PAM: variants seen among roughly 807,000 people sequenced by gnomAD.
The protein encoded by PAM is peptidylglycine alpha-amidating monooxygenase, also known as peptidyl-glycine alpha-amidating monooxygenase.
PAM carries 72 observed loss-of-function variants against 122.1 expected under a neutral mutation model. That is an observed-to-expected ratio of 0.59 (90% CI 0.49 to 0.72). The LOEUF (loss-of-function observed/expected upper bound fraction) is 0.72. Among genes scored for constraint, PAM ranks in the 30% least tolerant of loss-of-function variants. The pLI, the probability that PAM is intolerant of heterozygous loss-of-function variation, is 0.00. For synonymous variants in PAM, 389 were observed against 404.4 expected (o/e 0.96, Z 0.46); for missense variants, 1,106 against 1,183.7 (o/e 0.93, Z 0.96).
chr5:102,877,667 A>G (rs1789658787), intron 3 of PAM, among the ~76,000 whole-genome samples: 1 of 152,176 alleles, frequency 6.6e-6, no homozygotes, highest in Non-Finnish European at 1.5e-5. Context: ...TAAAGGTACA[A>G]TTTGCTAAGA....
chr5:102,840,921 T>C (rs1280038458), intron 1 of PAM, among the ~76,000 whole-genome samples: 1 of 152,120 alleles, frequency 6.6e-6, no homozygotes, highest in South Asian at 2.1e-4. Flanking sequence ...GTGATGAAGG[T>C]GAAAGGGGAA....
At position 102,979,063 on chromosome 5, in the gene PAM, C is replaced by T. The variant is rs554073507; in HGVS notation, c.1483+4627C>T. On this transcript the variant is annotated intron_variant, in intron 15 of 25. Transcript: ENST00000438793. ...ACACACACACACACACACACACACG[C>T]ACACACACATACACACAAACACCCT... 3.5e-3 allele frequency among the ~76,000 whole-genome samples: 497 copies of T among 143,522 alleles called. 6 individuals are homozygous for T. The highest frequency in any genetic ancestry group is 4.0e-3 in the Non-Finnish European group (268 of 67,372). The allele number at this position is 143,522 out of a possible 152,430, so 94.2% of individuals were successfully genotyped here. A position where few individuals can be genotyped will look rare whatever the true frequency, so the allele number is the denominator to read the frequency against.
intron 14 of PAM, among the ~76,000 whole-genome samples, chr5:102,969,417 A>G (rs1387565468): frequency 2.6e-5 from 4 of 152,298 alleles, no homozygotes; most frequent in African/African-American, 4.8e-5. Context: ...CCGTAGAGGT[A>G]GAGCCACTTT....
At chr5:102,841,406 T>TACAC (rs35825092) in intron 1 of PAM, among the ~76,000 whole-genome samples, 23,969 of 138,356 alleles carry the variant, frequency 0.17, 2,042 homozygotes, top group Middle Eastern at 0.26. Context: ...CACCTACAAA[T>TACAC]ACACACACAC....
rs926024619 is a variant in PAM, at chr5:102,932,529, A to G, written c.526+5861A>G. The stretch of plus-strand genomic sequence containing the variant: ...ATGTATATATATATGTATATATTAT[A>G]CATACACACATATATGTATGTATGT... On this transcript the variant is annotated intron_variant, in intron 7 of 25. Transcript: ENST00000438793. Among the ~76,000 whole-genome samples the G allele has an allele frequency of 2.0e-5, 3 of 149,390 alleles. No individual in the cohort carries two copies. The South Asian group carries it at 6.3e-4, about 32-fold the overall frequency.
intron 1 of PAM, among the ~76,000 whole-genome samples, chr5:102,764,984 T>C (rs1327448033): frequency 1.3e-5 from 2 of 152,236 alleles, no homozygotes; most frequent in Non-Finnish European, 2.9e-5. Flanking sequence ...ATTGTTTTTA[T>C]TCATCATGAA....
chr5:102,995,207 CTG>C (rs1223883185), intron 16 of PAM, among the ~76,000 whole-genome samples: 1 of 152,126 alleles, frequency 6.6e-6, no homozygotes, highest in Non-Finnish European at 1.5e-5. Flanking sequence ...TCAAAAGTGT[CTG>C]TTACCTTTGT....
intron 16 of PAM, among the ~76,000 whole-genome samples, chr5:102,997,802 A>AT (rs1776178851): frequency 1.3e-5 from 2 of 152,236 alleles, no homozygotes; most frequent in East Asian, 3.9e-4. Flanking sequence ...TACTTGACAC[A>AT]TTTTTTTCTA....
intron 12 of PAM, among the ~76,000 whole-genome samples, chr5:102,958,894 T>G (rs1761646138): frequency 6.6e-6 from 1 of 152,178 alleles, no homozygotes; most frequent in African/African-American, 2.4e-5. Context: ...TAGCTTTTTT[T>G]TATTAGTGTA....
chr5:102,828,486 G>A, intron 1 of PAM, among the ~76,000 whole-genome samples: 1 of 152,160 alleles, frequency 6.6e-6, no homozygotes, highest in East Asian at 1.9e-4. Flanking sequence ...GTGTGCTCTA[G>A]GGAACACTAG....
chr5:102,957,702 G>T lies in PAM; in HGVS notation c.906-2173G>T, dbSNP rs1166143101. On this transcript the variant is annotated intron_variant, in intron 12 of 25. Coordinates refer to ENST00000438793, the MANE Select transcript of PAM (RefSeq NM_001177306.2). Reference sequence around the variant, plus strand: ...CTGCCACTGCGCCCAGCTAATTTTTGCATTTTTAGTAGAGACGAGGTTTCA... The same window carrying T: ...CTGCCACTGCGCCCAGCTAATTTTTTCATTTTTAGTAGAGACGAGGTTTCA... 2.0e-5 allele frequency among the ~76,000 whole-genome samples: 3 copies of T among 151,968 alleles called. No individual in the cohort carries two copies. The East Asian group carries it at 5.8e-4, about 29-fold the overall frequency.
intron 4 of PAM, among the ~76,000 whole-genome samples, chr5:102,908,459 C>T (rs1283007851): frequency 6.6e-6 from 1 of 150,894 alleles, no homozygotes; most frequent in Non-Finnish European, 1.5e-5. Context: ...GATGCAGGCT[C>T]TTTTTTGGTT....
chr5:103,029,724 G>GAA (rs1785982718), downstream of PAM: 1 of 152,110 alleles, frequency 6.6e-6, no homozygotes, highest in South Asian at 2.1e-4. Context: ...TTAGCTGTCA[G>GAA]TGTATTTTCC....
At chr5:102,766,926 A>ATTTTTTTTTTGTTTTTTTTTTTTTTT (rs1754150363) in intron 1 of PAM, among the ~76,000 whole-genome samples, 1 of 25,830 alleles carries the variant, frequency 3.9e-5, no homozygotes. Context: ...TCAGTTGTGG[A>ATTTTTTTTTTGTTTTTTTTTTTTTTT]TTTTTTTTTT....
chr5:102,911,007 G>A lies in PAM; in HGVS notation c.269-2927G>A, dbSNP rs567604171. Among the ~76,000 whole-genome samples the A allele has an allele frequency of 2.0e-5, 3 of 151,964 alleles. No homozygotes were observed. In the East Asian group the frequency reaches 5.9e-4, roughly 30 times the overall value. On this transcript the variant is annotated intron_variant, in intron 4 of 25. Transcript: ENST00000438793. Reference sequence around the variant, plus strand: ...TGGAGCAAACCCCTGAAATGAACCTGTCAGACCAATCTTTTCCCAGCCTGC... The same window carrying A: ...TGGAGCAAACCCCTGAAATGAACCTATCAGACCAATCTTTTCCCAGCCTGC...
intron 1 of PAM, among the ~76,000 whole-genome samples, chr5:102,782,081 C>A (rs1005547413): frequency 2.6e-5 from 4 of 152,202 alleles, no homozygotes; most frequent in African/African-American, 9.7e-5. Flanking sequence ...GGTTTTGTAT[C>A]CTTGCTCATG....
chr5:102,964,662 C>T (rs559562036), intron 14 of PAM, among the ~76,000 whole-genome samples: 49 of 151,524 alleles, frequency 3.2e-4, no homozygotes, highest in African/African-American at 1.1e-3. Context: ...AGAAATCATC[C>T]GTAGTCCCCA....
At chr5:102,980,750 G>A (rs1229269256) in intron 15 of PAM, among the ~76,000 whole-genome samples, 1 of 152,170 alleles carries the variant, frequency 6.6e-6, no homozygotes, top group East Asian at 1.9e-4. Context: ...AAACCATGAA[G>A]TTTTTCTTTA....
At chr5:102,769,007 G>GT (rs1554056067) in intron 1 of PAM, among the ~76,000 whole-genome samples, 2 of 152,008 alleles carry the variant, frequency 1.3e-5, no homozygotes, top group Non-Finnish European at 1.5e-5. Context: ...CCTCACCAGC[G>GT]TTTGTTACTA....
Sources: allele counts gnomAD v4.1 joint callset (sites outside exome capture counted in the v4.1 genomes callset), GRCh38; gene constraint gnomAD v4.1.1; transcripts MANE v1.5; gene names NCBI Gene and HGNC (gene_info 2026-07-23, HGNC 2026-07-21).